The following LAMC3 variants were observed in gnomAD, a reference collection of about 807,000 sequenced individuals.
LAMC3 encodes laminin subunit gamma 3.
LAMC3 carries 128 observed loss-of-function variants against 173.8 expected under a neutral mutation model. That is an observed-to-expected ratio of 0.74 (90% CI 0.64 to 0.85). The LOEUF (loss-of-function observed/expected upper bound fraction) is 0.85. Among genes scored for constraint, LAMC3 ranks in the 40% least tolerant of loss-of-function variants. The pLI is 0.00. For missense variants in LAMC3, 2,022 were observed against 2,156.0 expected, an observed-to-expected ratio of 0.94 and a Z score of 1.23; for synonymous variants, 897 against 909.1, an observed-to-expected ratio of 0.99 and a Z score of 0.24.
chr9:131,060,891 C>G, intron 12 of LAMC3, 144 bp from the exon 13 acceptor site: 1 of 795,730 alleles, frequency 1.3e-6, no homozygotes, highest in Non-Finnish European at 2.1e-6. Flanking sequence ...CCTGGACCCT[C>G]AATCCCCAGG....
intron 1 of LAMC3, among the ~76,000 whole-genome samples, chr9:131,025,175 G>A (rs973950731): frequency 1.3e-5 from 2 of 152,136 alleles, no homozygotes; most frequent in African/African-American, 4.8e-5. Flanking sequence ...CTCTCCGCCC[G>A]GCGCTCTCTG....
intron 3 of LAMC3, among the ~76,000 whole-genome samples, chr9:131,035,894 T>G (rs1020993601): frequency 1.3e-5 from 2 of 152,314 alleles, no homozygotes; most frequent in East Asian, 3.9e-4. Context: ...CTGGTGGCTT[T>G]GGGCAGCTTC....
intron 1 of LAMC3, among the ~76,000 whole-genome samples, chr9:131,014,331 T>C (rs1833481064): frequency 2.0e-5 from 3 of 152,238 alleles, no homozygotes; most frequent in African/African-American, 7.2e-5. Context: ...GCCTAACTCA[T>C]GTCTTGTTCA....
intron 2 of LAMC3, among the ~76,000 whole-genome samples, chr9:131,028,132 C>T (rs920130573): frequency 6.6e-6 from 1 of 152,048 alleles, no homozygotes; most frequent in Non-Finnish European, 1.5e-5. Context: ...CCTGTCAGAT[C>T]AGCCTCCTGT....
chr9:131,066,770 C>T (rs1829941177), intron 13 of LAMC3, among the ~76,000 whole-genome samples, 190 bp from the exon 14 acceptor site: 1 of 152,144 alleles, frequency 6.6e-6, no homozygotes, highest in Non-Finnish European at 1.5e-5. Flanking sequence ...ACCTGAGCTC[C>T]TAGAGGCGCA....
chr9:131,088,730 C>G (rs1254406368), intron 27 of LAMC3, among the ~76,000 whole-genome samples: 2 of 152,056 alleles, frequency 1.3e-5, no homozygotes, highest in Non-Finnish European at 2.9e-5. Context: ...AACACTAACC[C>G]CCCATTTCCC....
At chr9:131,091,398 C>T (rs1830421796) in intron 27 of LAMC3, 139 bp from the exon 28 acceptor site, 11 of 1,192,278 alleles carry the variant, frequency 9.2e-6, no homozygotes, top group Non-Finnish European at 1.1e-5. Flanking sequence ...AGCCCTTCTG[C>T]TCCCCATCTT....
chr9:131,061,957 G>A (rs1198026381), intron 13 of LAMC3, among the ~76,000 whole-genome samples: 5 of 152,162 alleles, frequency 3.3e-5, no homozygotes, highest in Non-Finnish European at 5.9e-5. Context: ...AGGCTGAGGT[G>A]GGAGGATGGT....
intron 18 of LAMC3, among the ~76,000 whole-genome samples, chr9:131,072,341 C>A (rs1830050007): frequency 6.6e-6 from 1 of 152,174 alleles, no homozygotes; most frequent in South Asian, 2.1e-4. Flanking sequence ...TGAATCAGAG[C>A]TGATTTGAAG....
At chr9:131,045,348 CAGGT>C in intron 7 of LAMC3, among the ~76,000 whole-genome samples, 172 bp from the exon 8 acceptor site, 1 of 152,206 alleles carries the variant, frequency 6.6e-6, no homozygotes, top group Admixed American at 6.5e-5. Context: ...CTGTCTGAAG[CAGGT>C]ATGGGAACAA....
chr9:131,034,461 T>C lies in LAMC3; in HGVS notation c.810-1705T>C, dbSNP rs551072495. Among the ~76,000 whole-genome samples, 32 of 152,378 alleles carry C rather than the reference T, an allele frequency of 2.1e-4. No individual in the cohort carries two copies. In the South Asian group the frequency reaches 5.8e-3, roughly 28 times the overall value. ...CTGGAGCCGCAACAGCGGTTGGTGA[T>C]TCGTCAACATCCACAGAGGGCAGAG... On this transcript the variant is annotated intron_variant, in intron 3 of 27. Coordinates refer to ENST00000361069, the MANE Select transcript of LAMC3 (RefSeq NM_006059.4).
At chr9:131,034,452 G>A (rs1342424423) in intron 3 of LAMC3, among the ~76,000 whole-genome samples, 1 of 152,266 alleles carries the variant, frequency 6.6e-6, no homozygotes, top group Non-Finnish European at 1.5e-5. Context: ...CCGCAACAGC[G>A]GTTGGTGATT....
At position 131,020,793 on chromosome 9, in the gene LAMC3, T is replaced by A. The variant is rs576314667; in HGVS notation, c.374-5492T>A. 6.6e-5 allele frequency among the ~76,000 whole-genome samples: 10 copies of A among 152,260 alleles called. 1 individual carries two copies. Among genetic ancestry groups the A allele is most frequent in the Admixed American group, 3.3e-4 (5 of 15,292 alleles). On this transcript the variant is annotated intron_variant, in intron 1 of 27. Transcript: ENST00000361069. ...AAGGAGGTGATTCACCAGCTTCTTG[T>A]TTTGGTGCATAGAGAGACTAGGGGA...
At chr9:131,050,439 T>C (rs1834261075) in intron 9 of LAMC3, among the ~76,000 whole-genome samples, 1 of 152,118 alleles carries the variant, frequency 6.6e-6, no homozygotes, top group African/African-American at 2.4e-5. Flanking sequence ...CTACGAGCAC[T>C]CAGTGGGGCA....
chr9:131,046,075 C>T (rs921023872), intron 8 of LAMC3, among the ~76,000 whole-genome samples: 2 of 152,116 alleles, frequency 1.3e-5, no homozygotes, highest in African/African-American at 4.8e-5. Flanking sequence ...GATTCTCATT[C>T]CCCTTTCAAT....
chr9:131,036,922 A>T (rs1588145110), intron 4 of LAMC3, among the ~76,000 whole-genome samples: 1 of 152,158 alleles, frequency 6.6e-6, no homozygotes, highest in South Asian at 2.1e-4. Flanking sequence ...CTCTCCATGC[A>T]CAGCCGCCGT....
chr9:131,061,555 G>A (rs1829824844), intron 13 of LAMC3, among the ~76,000 whole-genome samples: 1 of 152,108 alleles, frequency 6.6e-6, no homozygotes, highest in African/African-American at 2.4e-5. Context: ...AGCTAAGGTG[G>A]AAAACCTCGA....
Position 131,085,200 on chromosome 9 carries a change from G to A in LAMC3, c.4031-324G>A, listed in dbSNP as rs76650468. ...GACGTAGGCAGTACATGAAAATGCC[G>A]AGCTGAGCAGACTGAGCCATGGACT... is the stretch of plus-strand genomic sequence containing the variant. On this transcript the variant is annotated intron_variant, in intron 24 of 27. Coordinates refer to ENST00000361069, the MANE Select transcript of LAMC3 (RefSeq NM_006059.4). Among the ~76,000 whole-genome samples the A allele has an allele frequency of 2.4e-3, 362 of 152,208 alleles. 1 individual carries two copies. Among genetic ancestry groups the A allele is most frequent in the African/African-American group, 8.1e-3 (338 of 41,544 alleles).
intron 6 of LAMC3, among the ~76,000 whole-genome samples, chr9:131,040,645 G>A (rs1834032840): frequency 6.6e-6 from 1 of 152,158 alleles, no homozygotes; most frequent in Non-Finnish European, 1.5e-5. Flanking sequence ...CTGCTTCCCT[G>A]GGGTCCCTCT....
Sources: allele counts gnomAD v4.1 joint callset (sites outside exome capture counted in the v4.1 genomes callset), GRCh38; gene constraint gnomAD v4.1.1; transcripts MANE v1.5; gene names NCBI Gene and HGNC (gene_info 2026-07-23, HGNC 2026-07-21).